MAP4: variants seen among roughly 807,000 people sequenced by gnomAD.
The protein encoded by MAP4 is microtubule-associated protein 4.
MAP4 carries 76 observed loss-of-function variants against 170.2 expected under a neutral mutation model. That is an observed-to-expected ratio of 0.45 (90% CI 0.37 to 0.54). The LOEUF (loss-of-function observed/expected upper bound fraction) is 0.54, where lower values mean the gene tolerates loss of function less well. Among genes scored for constraint, MAP4 ranks in the 20% least tolerant of loss-of-function variants. The probability of loss-of-function intolerance (pLI) is 0.00; values close to 1 mark genes in which losing one functional copy is unlikely to be tolerated. For synonymous variants in MAP4, 909 were observed against 994.5 expected (o/e 0.91, Z 1.62); for missense variants, 2,506 against 2,748.0 (o/e 0.91, Z 1.97).
chr3:47,933,923 C>T (rs1254218377), intron 3 of MAP4, among the ~76,000 whole-genome samples: 1 of 152,012 alleles, frequency 6.6e-6, no homozygotes, highest in Non-Finnish European at 1.5e-5. Flanking sequence ...CTTTAAATGG[C>T]ATTTCAACAC....
upstream of MAP4, among the ~76,000 whole-genome samples, chr3:48,021,307 A>C (rs1181469206): frequency 6.6e-6 from 1 of 151,936 alleles, no homozygotes; most frequent in Non-Finnish European, 1.5e-5. Flanking sequence ...GATATTTTAA[A>C]GGTATCAACT....
At chr3:48,074,676 T>TTTTGTGTGTGTGTGTG (rs746281743) in intron 1 of MAP4, among the ~76,000 whole-genome samples, 7,558 of 90,548 alleles carry the variant, frequency 0.083, 1,168 homozygotes, top group Middle Eastern at 0.096. Flanking sequence ...ATCCAGCTAA[T>TTTTGTGTGTGTGTGTG]TGTGTGTGTG....
Position 47,972,956 on chromosome 3 carries a change from C to T in MAP4, c.292+4909G>A, listed in dbSNP as rs781246629. ...CTTGACAAAAACTTAAAAGTCCATA[C>T]AATTAATCCGGGTGGGATTAGAAGC... On this transcript the variant is annotated intron_variant, in intron 3 of 20. Transcript: ENST00000683076. The T allele has an allele frequency of 3.3e-5, 29 of 884,342 alleles. No homozygotes were observed. In the South Asian group the frequency reaches 1.2e-3, roughly 37 times the overall value. The allele number at this position is 884,342 out of a possible 1,614,324, so 54.8% of individuals were successfully genotyped here. A position where few individuals can be genotyped will look rare whatever the true frequency, so the allele number is the denominator to read the frequency against.
chr3:47,925,777 T>C (rs1334781496), intron 4 of MAP4, among the ~76,000 whole-genome samples: 1 of 152,150 alleles, frequency 6.6e-6, no homozygotes, highest in Non-Finnish European at 1.5e-5. Flanking sequence ...TTTGTGGTAA[T>C]AAAAGTGTTC....
At chr3:47,926,148 G>A (rs1363913954) in intron 4 of MAP4, among the ~76,000 whole-genome samples, 72 of 151,314 alleles carry the variant, frequency 4.8e-4, no homozygotes, top group Non-Finnish European at 5.9e-5. Context: ...GAGCCACCAC[G>A]CCCGGCCAAT....
chr3:48,087,587 T>G (rs761800811), intron 1 of MAP4, among the ~76,000 whole-genome samples: 1 of 151,602 alleles, frequency 6.6e-6, no homozygotes, highest in Non-Finnish European at 1.5e-5. Context: ...CTGGGCTGAG[T>G]GAGCAAATTA....
chr3:47,960,799 A>G (rs2100071102), intron 3 of MAP4: 1 of 183,646 alleles, frequency 5.4e-6, no homozygotes, highest in Non-Finnish European at 1.2e-5. Flanking sequence ...CTTCTGAGTC[A>G]GCTCTCCAGG....
intron 1 of MAP4, among the ~76,000 whole-genome samples, chr3:48,076,229 G>C (rs1329485550): frequency 9.2e-5 from 14 of 151,846 alleles, no homozygotes; most frequent in African/African-American, 3.4e-4. Flanking sequence ...GGGCGCAGTG[G>C]CTCACGCCTG....
chr3:47,951,434 C>G (rs572327584), intron 3 of MAP4, among the ~76,000 whole-genome samples: 69 of 152,310 alleles, frequency 4.5e-4, no homozygotes, highest in African/African-American at 1.6e-3. Context: ...CATCTCGGCT[C>G]ACTGCAACCT....
At chr3:48,006,334 C>T (rs557080265) in intron 1 of MAP4, among the ~76,000 whole-genome samples, 1 of 152,178 alleles carries the variant, frequency 6.6e-6, no homozygotes, top group Non-Finnish European at 1.5e-5. Context: ...TTGGGGACTA[C>T]TGGACACTGG....
At chr3:47,902,371 T>C (rs319696) in intron 10 of MAP4, among the ~76,000 whole-genome samples, 40,305 of 151,618 alleles carry the variant, frequency 0.27, 5,671 homozygotes, top group South Asian at 0.37. Context: ...TTCATCAGCA[T>C]GGTAGTAAAA....
chr3:48,027,972 A>T (rs566192610), intron 1 of MAP4, among the ~76,000 whole-genome samples: 1 of 152,282 alleles, frequency 6.6e-6, no homozygotes, highest in South Asian at 2.1e-4. Context: ...CTTAATCAAG[A>T]CCAACTTCAC....
At position 47,875,867 on chromosome 3, in the gene MAP4, T is replaced by C. The variant is rs2095252222; in HGVS notation, c.5575A>G (p.Thr1859Ala). Residue 1859 changes from threonine (T) to alanine (A), a missense_variant, in exon 12 of 21, where the codon ACA (threonine) becomes GCA (alanine). By Grantham distance (58) the Thr-to-Ala change is moderately conservative (BLOSUM62 0). Coordinates refer to ENST00000683076, the MANE Select transcript of MAP4 (RefSeq NM_001385682.1). ...GTGGGCTGTGTTTTGGCTTTCGATG[T>C]TGAAGTCTTTGCAGGTTGAGTGGTG... ...LATTQPAKTS[T>A]SKAKTQPTSL... 1 of 1,612,720 alleles carries C rather than the reference T, an allele frequency of 6.2e-7. No homozygotes were observed. The highest frequency in any genetic ancestry group is 8.5e-7 in the Non-Finnish European group (1 of 1,179,768).
At chr3:48,005,083 C>T (rs2100101469) in intron 1 of MAP4, among the ~76,000 whole-genome samples, 1 of 152,128 alleles carries the variant, frequency 6.6e-6, no homozygotes. Flanking sequence ...TGTTCTCGGC[C>T]AGGCACGGTG....
At chr3:47,961,668 G>C (rs1324945746) in intron 3 of MAP4, among the ~76,000 whole-genome samples, 1 of 152,176 alleles carries the variant, frequency 6.6e-6, no homozygotes, top group Non-Finnish European at 1.5e-5. Flanking sequence ...AAGCTTAGTA[G>C]AGGGCATGGA....
chr3:48,056,942 T>C (rs1301269315), intron 1 of MAP4, among the ~76,000 whole-genome samples: 3 of 107,190 alleles, frequency 2.8e-5, no homozygotes, highest in Admixed American at 9.0e-5. Context: ...GGTGGGGGGT[T>C]CAGCCCCCCG....
At chr3:47,997,198 T>C (rs1434012004) in intron 2 of MAP4, among the ~76,000 whole-genome samples, 1 of 151,542 alleles carries the variant, frequency 6.6e-6, no homozygotes, top group East Asian at 1.9e-4. Flanking sequence ...AGAAGAAATA[T>C]TTTAAAAGAT....
intron 1 of MAP4, among the ~76,000 whole-genome samples, chr3:48,005,290 G>C (rs750734247): frequency 1.1e-4 from 17 of 152,240 alleles, no homozygotes; most frequent in Middle Eastern, 3.4e-3. Context: ...GAACCCGGGA[G>C]GCGGAGGTTG....
rs1190035598 is a variant in MAP4 at position 47,911,164 on chromosome 3, A to T, written c.3257T>A (p.Phe1086Tyr). Residue 1086 changes from phenylalanine to tyrosine, a missense_variant, in exon 9 of 21, where the codon TTT becomes TAT. Physicochemically the swap from Phe to Tyr is conservative, Grantham distance 22. Coordinates refer to ENST00000683076, the MANE Select transcript of MAP4 (RefSeq NM_001385682.1). This position sits in a 1 kb window ranked among gnomAD's most constrained non-coding sequence, Gnocchi z 4.0. Reference sequence around the variant, plus strand: ...TCCGTCCTTCTGGCTGTCCAGAAGAAATGGCAGCTCAGATTTTGCTTTTAC... The same window carrying T: ...TCCGTCCTTCTGGCTGTCCAGAAGATATGGCAGCTCAGATTTTGCTTTTAC... ...GKVKAKSELP[F>Y]LLDSQKDGRA... 1.3e-6 allele frequency: 2 copies of T among 1,536,118 alleles called. No individual in the cohort carries two copies. The highest frequency in any genetic ancestry group is 2.4e-5 in the South Asian group (2 of 84,062).
Sources: gnomAD v4.1 joint callset for allele counts (sites outside exome capture counted in the v4.1 genomes callset) on GRCh38, gnomAD v4.1.1 for gene constraint, Gnocchi (gnomAD v3.1) non-coding constraint, MANE v1.5 for transcripts, NCBI Gene and HGNC (gene_info 2026-07-23, HGNC 2026-07-21) for gene names.